The following NRXN3 variants were observed in gnomAD, a reference collection of about 807,000 sequenced individuals.
The protein encoded by NRXN3 is neurexin 3, also known as neurexin III.
In NRXN3, 32 loss-of-function variants were observed where a neutral mutation model predicts 137.6. The observed-to-expected ratio is 0.23, with a 90% confidence interval of 0.18 to 0.31. The LOEUF is 0.31. Among genes scored for constraint, NRXN3 ranks in the 10% least tolerant of loss-of-function variants. The probability of loss-of-function intolerance (pLI) is 1.00; values close to 1 mark genes in which losing one functional copy is unlikely to be tolerated. For synonymous variants in NRXN3, 798 were observed against 784.5 expected, an observed-to-expected ratio of 1.02 and a Z score of -0.29; for missense variants, 1,574 against 2,062.5, an observed-to-expected ratio of 0.76 and a Z score of 4.59.
chr14:78,660,386 T>C (rs1392816065), intron 6 of NRXN3, among the ~76,000 whole-genome samples: 1 of 151,986 alleles, frequency 6.6e-6, no homozygotes, highest in Non-Finnish European at 1.5e-5. Flanking sequence ...CCCAGCTCCG[T>C]TAGTGAGCAT....
chr14:79,272,891 G>C (rs2079572490), intron 15 of NRXN3, among the ~76,000 whole-genome samples: 1 of 152,166 alleles, frequency 6.6e-6, no homozygotes, highest in South Asian at 2.1e-4. Context: ...TATGGGTGGG[G>C]GCCGGGTGCG....
intron 2 of NRXN3, among the ~76,000 whole-genome samples, chr14:78,246,170 A>G (rs2067643565): frequency 6.6e-6 from 1 of 152,176 alleles, no homozygotes; most frequent in African/African-American, 2.4e-5. Context: ...TGTGTTTAAA[A>G]AGAACTCATT....
At chr14:79,114,532 A>T (rs2054068456) in intron 15 of NRXN3, among the ~76,000 whole-genome samples, 1 of 152,186 alleles carries the variant, frequency 6.6e-6, no homozygotes, top group Non-Finnish European at 1.5e-5. Flanking sequence ...CCATAATTAA[A>T]TGATTACTCA....
intron 4 of NRXN3, among the ~76,000 whole-genome samples, chr14:78,468,291 C>T (rs1317083786): frequency 6.6e-6 from 1 of 152,156 alleles, no homozygotes; most frequent in Non-Finnish European, 1.5e-5. Flanking sequence ...TGGCTGTACA[C>T]ACCTGCTGAT....
intron 15 of NRXN3, among the ~76,000 whole-genome samples, chr14:79,383,042 T>G (rs1255105618): frequency 6.6e-6 from 1 of 152,046 alleles, no homozygotes; most frequent in Non-Finnish European, 1.5e-5. Flanking sequence ...ACTGAAAAAC[T>G]TTTGATGATA....
chr14:79,628,586 T>C (rs1459349279), intron 16 of NRXN3, among the ~76,000 whole-genome samples: 4 of 152,180 alleles, frequency 2.6e-5, no homozygotes, highest in South Asian at 2.1e-4. Context: ...AGGAGAATTA[T>C]GTTCTATGGC....
chr14:79,772,542 A>C (rs1303596816), intron 19 of NRXN3, among the ~76,000 whole-genome samples: 1 of 152,220 alleles, frequency 6.6e-6, no homozygotes, highest in African/African-American at 2.4e-5. Context: ...TTCCCTATTT[A>C]ATAAATGGTG....
chr14:78,323,440 A>G (rs546534485), intron 4 of NRXN3, among the ~76,000 whole-genome samples: 1 of 152,168 alleles, frequency 6.6e-6, no homozygotes, highest in Admixed American at 6.5e-5. Flanking sequence ...TCATCTGTTG[A>G]AGGGGGATTT....
intron 3 of NRXN3, 84 bp downstream of exon 3, chr14:78,278,746 T>C: frequency 8.7e-7 from 1 of 1,145,422 alleles, no homozygotes; most frequent in Non-Finnish European, 1.3e-6. Context: ...GAGACTTTTA[T>C]AGAGACAAAA....
At chr14:78,696,411 C>T (rs1223743593) in intron 6 of NRXN3, among the ~76,000 whole-genome samples, 1 of 151,928 alleles carries the variant, frequency 6.6e-6, no homozygotes, top group Non-Finnish European at 1.5e-5. Context: ...TGTATTTAAC[C>T]TTCTTATTCT....
At chr14:78,822,934 C>A (rs552211141) in intron 10 of NRXN3, among the ~76,000 whole-genome samples, 1 of 152,100 alleles carries the variant, frequency 6.6e-6, no homozygotes, top group Non-Finnish European at 1.5e-5. Flanking sequence ...ATCACTAATA[C>A]CTCCTATCTC....
intron 19 of NRXN3, among the ~76,000 whole-genome samples, chr14:79,744,906 C>T (rs1033953408): frequency 6.6e-6 from 1 of 151,864 alleles, no homozygotes; most frequent in Non-Finnish European, 1.5e-5. Context: ...CTCAAGTAGA[C>T]CCAAATCAGC....
At chr14:79,485,548 T>C (rs2096647933) in intron 16 of NRXN3, among the ~76,000 whole-genome samples, 1 of 152,164 alleles carries the variant, frequency 6.6e-6, no homozygotes, top group Non-Finnish European at 1.5e-5. Context: ...TTACCACTTC[T>C]CCTCACATTT....
At chr14:78,849,099 G>C (rs556702654) in intron 10 of NRXN3, among the ~76,000 whole-genome samples, 2 of 152,164 alleles carry the variant, frequency 1.3e-5, no homozygotes, top group Admixed American at 1.3e-4. Flanking sequence ...GACATCTTAG[G>C]TATTCATTAT....
chr14:79,838,026 C>T (rs2099347899), intron 20 of NRXN3, among the ~76,000 whole-genome samples: 1 of 152,116 alleles, frequency 6.6e-6, no homozygotes, highest in African/African-American at 2.4e-5. Context: ...CCAAGATAAG[C>T]AGTGTGTTCC....
At chr14:79,708,242 C>T (rs930551784) in intron 19 of NRXN3, among the ~76,000 whole-genome samples, 3 of 148,732 alleles carry the variant, frequency 2.0e-5, no homozygotes, top group Non-Finnish European at 3.0e-5. Context: ...CAACTATTTA[C>T]CTAGCACTTA....
intron 15 of NRXN3, among the ~76,000 whole-genome samples, chr14:79,117,843 G>C (rs1206265344): frequency 6.6e-6 from 1 of 152,220 alleles, no homozygotes; most frequent in Non-Finnish European, 1.5e-5. Flanking sequence ...CATTGTTGGG[G>C]TTGACAGAGA....
chr14:79,480,643 C>G (rs1213151776), intron 16 of NRXN3, among the ~76,000 whole-genome samples: 3 of 152,120 alleles, frequency 2.0e-5, no homozygotes, highest in African/African-American at 7.2e-5. Context: ...ATCCGTGTCC[C>G]CATCCAAATG....
intron 8 of NRXN3, among the ~76,000 whole-genome samples, chr14:78,733,440 T>C (rs2098526342): frequency 6.6e-6 from 1 of 152,190 alleles, no homozygotes; most frequent in South Asian, 2.1e-4. Context: ...TATGTAGCCA[T>C]TTCAAAGATA....
Sources: allele counts gnomAD v4.1 joint callset (sites outside exome capture counted in the v4.1 genomes callset), GRCh38; gene constraint gnomAD v4.1.1; transcripts MANE v1.5; gene names NCBI Gene and HGNC (gene_info 2026-07-23, HGNC 2026-07-21).